The following MAP3K13 variants were observed in gnomAD, a reference collection of about 807,000 sequenced individuals.
The protein encoded by MAP3K13 is leucine zipper-bearing kinase.
In MAP3K13, 52 loss-of-function variants were observed where a neutral mutation model predicts 104.0. The observed-to-expected ratio is 0.50, with a 90% CI of 0.40 to 0.63. MAP3K13 has a LOEUF of 0.63. Ranked by LOEUF, MAP3K13 falls within the 20% of genes least tolerant of loss-of-function variation. MAP3K13 has a pLI of 0.00. For missense variants in MAP3K13, 914 were observed against 1,218.5 expected, an observed-to-expected ratio of 0.75 and a Z score of 3.72; for synonymous variants, 394 against 442.2, an observed-to-expected ratio of 0.89 and a Z score of 1.37.
intron 2 of MAP3K13, among the ~76,000 whole-genome samples, chr3:185,321,055 C>T (rs373553843): frequency 7.0e-6 from 1 of 142,568 alleles, no homozygotes; most frequent in African/African-American, 2.6e-5. Context: ...CACACATATA[C>T]ACATGCATGC....
intron 2 of MAP3K13, among the ~76,000 whole-genome samples, chr3:185,289,369 T>C (rs1268977947): frequency 3.3e-5 from 5 of 152,160 alleles, no homozygotes; most frequent in Non-Finnish European, 7.4e-5. Flanking sequence ...AAGTGATTTA[T>C]TGTCGATGGG....
At chr3:185,362,973 A>T, upstream of MAP3K13, 1 of 329,906 alleles carries the variant, frequency 3.0e-6, no homozygotes, top group Non-Finnish European at 4.4e-6. Context: ...ACACACACAC[A>T]CACACACACT....
At chr3:185,463,785 C>T (rs534754414) in intron 8 of MAP3K13, 126 bp downstream of exon 8, 1 of 550,016 alleles carries the variant, frequency 1.8e-6, no homozygotes, top group Admixed American at 3.0e-5. Context: ...TTGTTATGCT[C>T]TTTAAAAGTT....
chr3:185,348,756 A>C (rs1723027713), intron 2 of MAP3K13, among the ~76,000 whole-genome samples: 1 of 152,100 alleles, frequency 6.6e-6, no homozygotes, highest in South Asian at 2.1e-4. Flanking sequence ...GTCTTTACTA[A>C]AAATACAAAA....
chr3:185,451,867 CAAAAA>C (rs1265471490), intron 7 of MAP3K13, among the ~76,000 whole-genome samples: 1 of 54,850 alleles, frequency 1.8e-5, no homozygotes, highest in Non-Finnish European at 4.0e-5. Flanking sequence ...AACACCGCCT[CAAAAA>C]AAAAAAAAAA....
At chr3:185,313,057 G>A (rs577582759) in intron 2 of MAP3K13, among the ~76,000 whole-genome samples, 1 of 152,034 alleles carries the variant, frequency 6.6e-6, no homozygotes, top group South Asian at 2.1e-4. Flanking sequence ...AGGCGTGGTG[G>A]TGTGTGCCTG....
At chr3:185,340,662 T>A (rs1722684375) in intron 2 of MAP3K13, among the ~76,000 whole-genome samples, 1 of 152,122 alleles carries the variant, frequency 6.6e-6, no homozygotes, top group Admixed American at 6.6e-5. Flanking sequence ...AATCCTCACG[T>A]GTCAAGGGCG....
At chr3:185,401,074 A>G (rs1000164498) in intron 1 of MAP3K13, among the ~76,000 whole-genome samples, 1 of 152,154 alleles carries the variant, frequency 6.6e-6, no homozygotes, top group Non-Finnish European at 1.5e-5. Flanking sequence ...ATACAAGCTC[A>G]TGCGTGCAGG....
chr3:185,371,826 A>C (rs564212992), intron 1 of MAP3K13, among the ~76,000 whole-genome samples: 10 of 152,290 alleles, frequency 6.6e-5, no homozygotes, highest in Non-Finnish European at 1.3e-4. Context: ...CACAGTTGCC[A>C]TTACTAAAGA....
intron 3 of MAP3K13, among the ~76,000 whole-genome samples, chr3:185,442,633 A>C (rs1483568739): frequency 2.0e-5 from 3 of 151,406 alleles, no homozygotes; most frequent in Non-Finnish European, 4.4e-5. Flanking sequence ...TCCCAGGCTC[A>C]AGTGATTCTC....
At chr3:185,430,376 C>T (rs995227795) in intron 2 of MAP3K13, among the ~76,000 whole-genome samples, 2 of 151,946 alleles carry the variant, frequency 1.3e-5, no homozygotes, top group Non-Finnish European at 2.9e-5. Flanking sequence ...AAACTTGTGC[C>T]ATGGGGATTT....
At chr3:185,451,140 T>C (rs1178948002) in intron 6 of MAP3K13, 147 bp from the exon 7 acceptor site, 1 of 572,510 alleles carries the variant, frequency 1.7e-6, no homozygotes, top group East Asian at 2.8e-5. Flanking sequence ...ACAATTCAGT[T>C]ATGCTATCCT....
upstream of MAP3K13, chr3:185,362,957 G>GCACACACACACACACACACACACACGCA (rs869143488): frequency 1.1e-5 from 1 of 90,296 alleles, no homozygotes; most frequent in African/African-American, 4.0e-5. Flanking sequence ...ACACACACAC[G>GCACACACACACACACACACACACACGCA]CACACACACA....
At chr3:185,444,110 G>A (rs1715469229) in intron 4 of MAP3K13, among the ~76,000 whole-genome samples, 1 of 152,152 alleles carries the variant, frequency 6.6e-6, no homozygotes, top group African/African-American at 2.4e-5. Flanking sequence ...CAAGGTGGGT[G>A]GATCACTTGA....
chr3:185,464,309 A>G (rs1717284259), intron 8 of MAP3K13, among the ~76,000 whole-genome samples: 1 of 152,130 alleles, frequency 6.6e-6, no homozygotes, highest in African/African-American at 2.4e-5. Flanking sequence ...GAGAGATAAG[A>G]CATGTTCACG....
In MAP3K13 at chr3:185,329,115, A is replaced by C. The variant is rs1428330553; in HGVS notation, c.-86+43472A>C. The C allele has an allele frequency of 8.5e-6, 5 of 589,166 alleles. No individual in the cohort carries two copies. The East Asian group carries it at 1.4e-4, about 17-fold the overall frequency. 36.5% of individuals were successfully genotyped at this position (589,166 alleles called of 1,614,324 possible). ...AAAGAAAGTTTCAGCACTCAGCAGT[A>C]GTTTTATTTTTTTTTAATGGAAAAG... On this transcript the variant is annotated intron_variant, in intron 2 of 14. Transcript: ENST00000424227.
chr3:185,436,215 T>C (rs971518611), intron 2 of MAP3K13, among the ~76,000 whole-genome samples: 1 of 152,186 alleles, frequency 6.6e-6, no homozygotes, highest in Non-Finnish European at 1.5e-5. Context: ...ATGGTAAAAA[T>C]AGTTTTTAAG....
intron 2 of MAP3K13, among the ~76,000 whole-genome samples, chr3:185,313,735 G>A (rs1577415463): frequency 1.4e-5 from 2 of 146,706 alleles, no homozygotes. Flanking sequence ...AAGTAGTGGT[G>A]AAAAAAAAAA....
At position 185,334,861 on chromosome 3, in the gene MAP3K13, G is replaced by A. The variant is rs909744985; in HGVS notation, c.-86+49218G>A. On this transcript the variant is annotated intron_variant, in intron 2 of 14. Transcript: ENST00000424227. ...TAACCTCAAGTGATCTGCCTGCCTCGGCCTCCCAAAGTGCTGGGATTACAG... is the reference window on the plus strand; with the variant it reads ...TAACCTCAAGTGATCTGCCTGCCTCAGCCTCCCAAAGTGCTGGGATTACAG... Among the ~76,000 whole-genome samples, 18 of 151,878 alleles carry A rather than the reference G, an allele frequency of 1.2e-4. 1 individual carries two copies. The highest frequency in any genetic ancestry group is 4.2e-4 in the South Asian group (2 of 4,818).
Sources: gnomAD v4.1 joint callset for allele counts (sites outside exome capture counted in the v4.1 genomes callset) on GRCh38, gnomAD v4.1.1 for gene constraint, MANE v1.5 for transcripts, NCBI Gene and HGNC (gene_info 2026-07-23, HGNC 2026-07-21) for gene names.